CTNNAL1: variants seen among roughly 807,000 people sequenced by gnomAD.
CTNNAL1 encodes catenin alpha like 1.
In CTNNAL1, 69 loss-of-function variants were observed where a neutral mutation model predicts 93.6. That is an observed-to-expected ratio of 0.74 (90% CI 0.61 to 0.90). CTNNAL1 has a LOEUF of 0.90. CTNNAL1 is among the 40% of genes least tolerant of loss of function. CTNNAL1 has a pLI of 0.00. For synonymous variants in CTNNAL1, 286 were observed against 305.4 expected, an observed-to-expected ratio of 0.94 and a Z score of 0.66; for missense variants, 836 against 862.0, an observed-to-expected ratio of 0.97 and a Z score of 0.38.
chr9:108,989,019 AG>A (rs1417455106), intron 4 of CTNNAL1, among the ~76,000 whole-genome samples: 1 of 152,230 alleles, frequency 6.6e-6, no homozygotes, highest in Non-Finnish European at 1.5e-5. Flanking sequence ...AGTAAGTTTC[AG>A]GGGTCCCACA....
In CTNNAL1 at chr9:108,943,031, A is replaced by G. The variant is rs200220475; in HGVS notation, c.2069T>C (p.Ile690Thr). 7.4e-5 allele frequency: 120 copies of G among 1,611,430 alleles called. No homozygotes were observed. The highest frequency in any genetic ancestry group is 1.7e-5 in the Admixed American group (1 of 59,684). ...NKVFLKVDKCITKTRSMMALL... is the reference protein window; with the variant it reads ...NKVFLKVDKCTTKTRSMMALL... Reference sequence around the variant, plus strand: ...AGCCATCATGGATCTTGTCTTCGTAATACACTTGTCAACCTACAATGACAA... The same window carrying G: ...AGCCATCATGGATCTTGTCTTCGTAGTACACTTGTCAACCTACAATGACAA... Residue 690 changes from isoleucine to threonine, a missense_variant, in exon 18 of 19, where the codon ATT (isoleucine) becomes ACT (threonine). Physicochemically the swap from Ile to Thr is moderately conservative, Grantham distance 89. Transcript: ENST00000325551.
At chr9:109,007,442 G>A (rs909534002) in intron 1 of CTNNAL1, among the ~76,000 whole-genome samples, 1 of 152,108 alleles carries the variant, frequency 6.6e-6, no homozygotes, top group Non-Finnish European at 1.5e-5. Context: ...GTGAATAAAG[G>A]AAATCTATCA....
In CTNNAL1 at chr9:108,976,971, A is replaced by G. The variant is rs909210788; in HGVS notation, c.1179T>C (p.Leu393=). The G allele has an allele frequency of 1.4e-5, 20 of 1,425,608 alleles. No individual in the cohort carries two copies. Among genetic ancestry groups the G allele is most frequent in the Non-Finnish European group, 1.8e-5 (19 of 1,058,674 alleles). 88.3% of individuals were successfully genotyped at this position (1,425,608 alleles called of 1,614,324 possible). ...TTCAAACTATACTTACTTCTTTCTT[A>G]AGTTCATTAAGACTGTGACTGATTT... ...ILKISHSLNE[L]KKELHSTATQ... is the part of the protein sequence containing the mutation. The change falls in exon 8 of 19, where the codon CTT becomes CTC. Residue 393 remains leucine (L), a synonymous_variant. Transcript: ENST00000325551.
chr9:108,997,751 C>G (rs958238610), intron 2 of CTNNAL1, among the ~76,000 whole-genome samples: 4 of 152,176 alleles, frequency 2.6e-5, no homozygotes, highest in African/African-American at 9.7e-5. Flanking sequence ...TCCAAACCAT[C>G]AGCCAATCCT....
At chr9:108,943,158 T>C in intron 17 of CTNNAL1, 114 bp from the exon 18 acceptor site, 1 of 972,226 alleles carries the variant, frequency 1.0e-6, no homozygotes, top group Non-Finnish European at 1.5e-6. Context: ...TAAGGGATCT[T>C]GAAAGAGATA....
chr9:108,999,357 C>G, intron 1 of CTNNAL1, 101 bp from the exon 2 acceptor site: 1 of 1,112,812 alleles, frequency 9.0e-7, no homozygotes, highest in Non-Finnish European at 1.3e-6. Flanking sequence ...CTGTATAGCT[C>G]AATAGACTAA....
At chr9:108,986,740 T>G (rs1209632652) in intron 4 of CTNNAL1, among the ~76,000 whole-genome samples, 3 of 152,216 alleles carry the variant, frequency 2.0e-5, no homozygotes, top group South Asian at 2.1e-4. Flanking sequence ...TGAGATGGTA[T>G]CTCATTGTGG....
chr9:108,999,978 A>G (rs1826736930), intron 1 of CTNNAL1, among the ~76,000 whole-genome samples: 2 of 152,232 alleles, frequency 1.3e-5, no homozygotes, highest in South Asian at 4.1e-4. Context: ...TGTTGTATGA[A>G]AAACATAGAT....
chr9:108,991,722 C>T (rs373818952), intron 3 of CTNNAL1, among the ~76,000 whole-genome samples: 21 of 152,282 alleles, frequency 1.4e-4, no homozygotes, highest in East Asian at 7.7e-4. Context: ...ATTTCTCCAG[C>T]GCTGCCAGAT....
chr9:108,953,953 T>C (rs1280199226), intron 12 of CTNNAL1, among the ~76,000 whole-genome samples: 1 of 152,210 alleles, frequency 6.6e-6, no homozygotes, highest in Non-Finnish European at 1.5e-5. Context: ...AGGCAACTGA[T>C]AAAACATTTA....
intron 11 of CTNNAL1, among the ~76,000 whole-genome samples, chr9:108,962,895 G>A (rs1830855541): frequency 6.6e-6 from 1 of 152,258 alleles, no homozygotes; most frequent in East Asian, 1.9e-4. Context: ...GAGAGATTAA[G>A]TTAGGAAATA....
intron 17 of CTNNAL1, among the ~76,000 whole-genome samples, chr9:108,943,491 G>A (rs1298685291): frequency 1.3e-5 from 2 of 152,094 alleles, no homozygotes; most frequent in South Asian, 2.1e-4. Context: ...CAGTGCTATG[G>A]AATTAATGAT....
At chr9:109,012,654 A>G (rs985168250) in intron 1 of CTNNAL1, among the ~76,000 whole-genome samples, 9 of 152,244 alleles carry the variant, frequency 5.9e-5, no homozygotes, top group Non-Finnish European at 1.3e-4. Flanking sequence ...ATTAACTGTC[A>G]TACAGTCTCC....
At chr9:108,954,601 A>G (rs1295339425) in intron 12 of CTNNAL1, among the ~76,000 whole-genome samples, 1 of 152,198 alleles carries the variant, frequency 6.6e-6, no homozygotes, top group African/African-American at 2.4e-5. Context: ...ACAAATTGCT[A>G]TTTGTACTTT....
At chr9:108,974,484 G>C (rs1831204061) in intron 8 of CTNNAL1, among the ~76,000 whole-genome samples, 1 of 152,048 alleles carries the variant, frequency 6.6e-6, no homozygotes, top group Non-Finnish European at 1.5e-5. Flanking sequence ...ACATATCAGT[G>C]CCAAGTAAGA....
intron 5 of CTNNAL1, among the ~76,000 whole-genome samples, chr9:108,984,130 G>A (rs1326356608): frequency 6.6e-6 from 1 of 152,182 alleles, no homozygotes; most frequent in Non-Finnish European, 1.5e-5. Context: ...GTTCTGCTGA[G>A]CTGTTCAATC....
rs1564138424 is a variant in CTNNAL1 at position 108,983,175 on chromosome 9, G to C, written c.870C>G (p.Ile290Met). Reference protein sequence around the residue: ...KPNGETDISSISIFTGIKEFK... With the variant: ...KPNGETDISSMSIFTGIKEFK... ...ATTCCTTAATTCCAGTAAAAATACT[G>C]ATAGATGAAATGTCAGTCTCTCCAT... Residue 290 changes from isoleucine to methionine, a missense_variant, in exon 6 of 19, where the codon ATC becomes ATG. Physicochemically the swap from Ile to Met is conservative, Grantham distance 10. Coordinates refer to ENST00000325551, the MANE Select transcript of CTNNAL1 (RefSeq NM_003798.4). 4 of 1,562,778 alleles carry C rather than the reference G, an allele frequency of 2.6e-6. No homozygotes were observed. The highest frequency in any genetic ancestry group is 3.5e-6 in the Non-Finnish European group (4 of 1,155,616).
chr9:108,962,434 G>A (rs188060324), intron 11 of CTNNAL1, among the ~76,000 whole-genome samples: 6 of 152,260 alleles, frequency 3.9e-5, no homozygotes, highest in Admixed American at 3.9e-4. Context: ...AAATCTCAGA[G>A]ACAGAAAAGG....
intron 8 of CTNNAL1, among the ~76,000 whole-genome samples, chr9:108,973,534 T>C (rs1438708373): frequency 6.6e-6 from 1 of 152,156 alleles, no homozygotes; most frequent in East Asian, 1.9e-4. Flanking sequence ...TCTGCCTCTA[T>C]GAACAAATTG....
Sources: gnomAD v4.1 joint callset for allele counts (sites outside exome capture counted in the v4.1 genomes callset) on GRCh38, gnomAD v4.1.1 for gene constraint, MANE v1.5 for transcripts, NCBI Gene and HGNC (gene_info 2026-07-23, HGNC 2026-07-21) for gene names.